The following CYTH3 variants were observed in gnomAD, a reference collection of about 807,000 sequenced individuals.
CYTH3 encodes the protein cytohesin 3.
In CYTH3, 23 loss-of-function variants were observed where a neutral mutation model predicts 55.1. The ratio of observed to expected loss-of-function variants is 0.42; its 90% CI spans 0.30 to 0.59. The LOEUF is 0.59. Among genes scored for constraint, CYTH3 ranks in the 20% least tolerant of loss-of-function variants. CYTH3 has a pLI of 0.20. For synonymous variants in CYTH3, 249 were observed against 194.9 expected (o/e 1.28, Z -2.31); for missense variants, 413 against 524.8 (o/e 0.79, Z 2.08).
intron 1 of CYTH3, among the ~76,000 whole-genome samples, chr7:6,211,847 G>A (rs1345215888): frequency 2.6e-5 from 4 of 152,002 alleles, no homozygotes; most frequent in Non-Finnish European, 4.4e-5. Flanking sequence ...TTAGTCAGGT[G>A]TGGTGGCTTG....
In CYTH3 at chr7:6,257,859, G is replaced by C. The variant is rs1385285409; in HGVS notation, c.34+14615C>G. The stretch of plus-strand genomic sequence containing the variant: ...ATGACAGGAAGTGTGGAGGTAGGGA[G>C]GTTCCTGGGTGGGTGAAATTCAGCA... On this transcript the variant is annotated intron_variant, in intron 1 of 12. Transcript: ENST00000350796. 3.9e-5 allele frequency among the ~76,000 whole-genome samples: 6 copies of C among 152,274 alleles called. No individual in the cohort carries two copies. The East Asian group carries it at 1.2e-3, about 29-fold the overall frequency.
At chr7:6,218,866 G>A (rs949314671) in intron 1 of CYTH3, among the ~76,000 whole-genome samples, 6 of 151,962 alleles carry the variant, frequency 3.9e-5, no homozygotes, top group Non-Finnish European at 7.4e-5. Flanking sequence ...TTAGCTGGGC[G>A]TGGTGGCGCA....
chr7:6,174,185 C>G (rs1325532081), intron 5 of CYTH3, among the ~76,000 whole-genome samples: 1 of 152,062 alleles, frequency 6.6e-6, no homozygotes, highest in Non-Finnish European at 1.5e-5. Context: ...GTGATCTCAA[C>G]TCACCGAAAT....
intron 6 of CYTH3, chr7:6,172,989 G>A (rs1455127618): frequency 1.9e-5 from 21 of 1,096,644 alleles, no homozygotes; most frequent in Non-Finnish European, 2.1e-5. Flanking sequence ...ATGACGAGGT[G>A]CGGCCTGATT....
At chr7:6,195,338 GAAA>G (rs1217376861) in intron 1 of CYTH3, among the ~76,000 whole-genome samples, 1 of 151,982 alleles carries the variant, frequency 6.6e-6, no homozygotes, top group African/African-American at 2.4e-5. Flanking sequence ...GTCTCAAACA[GAAA>G]AAAATAAAAT....
intron 1 of CYTH3, among the ~76,000 whole-genome samples, chr7:6,260,435 C>T (rs143208310): frequency 6.6e-6 from 1 of 152,068 alleles, no homozygotes; most frequent in African/African-American, 2.4e-5. Context: ...CACTGAGCTC[C>T]AGCCACTCAG....
intron 9 of CYTH3, among the ~76,000 whole-genome samples, chr7:6,166,260 T>G (rs1783005063): frequency 6.6e-6 from 1 of 152,258 alleles, no homozygotes; most frequent in Admixed American, 6.5e-5. Context: ...GAATTAATTT[T>G]GTAACAAGAT....
intron 1 of CYTH3, among the ~76,000 whole-genome samples, chr7:6,227,422 T>C (rs1476083430): frequency 6.6e-6 from 1 of 151,694 alleles, no homozygotes; most frequent in Non-Finnish European, 1.5e-5. Flanking sequence ...GATGGAAAAA[T>C]AGCATTTGAT....
At chr7:6,266,230 T>G (rs1294370793) in intron 1 of CYTH3, among the ~76,000 whole-genome samples, 1 of 152,044 alleles carries the variant, frequency 6.6e-6, no homozygotes, top group Non-Finnish European at 1.5e-5. Context: ...CAGGGGGCAG[T>G]GGTTGAGAAT....
At chr7:6,223,835 C>CT (rs1269705863) in intron 1 of CYTH3, among the ~76,000 whole-genome samples, 1 of 18,030 alleles carries the variant, frequency 5.5e-5, no homozygotes, top group African/African-American at 3.4e-4. Flanking sequence ...TCAATAAATA[C>CT]TAAAAAAAAA....
chr7:6,224,049 A>T (rs138449623), intron 1 of CYTH3, among the ~76,000 whole-genome samples: 2 of 152,174 alleles, frequency 1.3e-5, no homozygotes, highest in African/African-American at 4.8e-5. Flanking sequence ...TCCATTGCAC[A>T]AAAAGCAAAA....
At chr7:6,195,664 G>A (rs979145472) in intron 1 of CYTH3, among the ~76,000 whole-genome samples, 39 of 152,082 alleles carry the variant, frequency 2.6e-4, no homozygotes, top group African/African-American at 8.4e-4. Context: ...AATCCTCTAT[G>A]TCAAGCAATG....
At chr7:6,190,596 G>C in intron 1 of CYTH3, 65 bp from the exon 2 acceptor site, 2 of 1,306,528 alleles carry the variant, frequency 1.5e-6, no homozygotes, top group African/African-American at 1.5e-5. Flanking sequence ...GCAAGGTTGA[G>C]GTGGGTACAT....
chr7:6,238,365 G>C (rs111251873), intron 1 of CYTH3, among the ~76,000 whole-genome samples: 10 of 152,108 alleles, frequency 6.6e-5, no homozygotes, highest in African/African-American at 2.4e-4. Flanking sequence ...CCTCTAAAAA[G>C]AACAAAAGGA....
At chr7:6,196,388 C>T (rs1385728072) in intron 1 of CYTH3, among the ~76,000 whole-genome samples, 4 of 151,734 alleles carry the variant, frequency 2.6e-5, no homozygotes, top group Admixed American at 6.6e-5. Flanking sequence ...AAGAAGCAAG[C>T]AGGCAGTTCT....
intron 1 of CYTH3, among the ~76,000 whole-genome samples, chr7:6,251,691 G>C (rs1779975844): frequency 6.6e-6 from 1 of 152,148 alleles, no homozygotes; most frequent in South Asian, 2.1e-4. Flanking sequence ...TAATAAATAT[G>C]TTTATGACTG....
At chr7:6,249,767 T>C (rs566586684) in intron 1 of CYTH3, among the ~76,000 whole-genome samples, 2 of 152,342 alleles carry the variant, frequency 1.3e-5, no homozygotes, top group South Asian at 4.1e-4. Flanking sequence ...ATATTCAAGG[T>C]GTACATCTCG....
intron 1 of CYTH3, among the ~76,000 whole-genome samples, chr7:6,218,299 A>T (rs547828522): frequency 2.8e-4 from 43 of 152,316 alleles, no homozygotes; most frequent in African/African-American, 1.0e-3. Context: ...GAAGAAGGCA[A>T]CGTGATGACT....
intron 3 of CYTH3, 51 bp from the exon 4 acceptor site, chr7:6,187,167 G>C: frequency 1.3e-6 from 2 of 1,560,172 alleles, no homozygotes; most frequent in Non-Finnish European, 8.8e-7. Context: ...TCACAATGCA[G>C]CCCAGTCACG....
Sources: gnomAD v4.1 joint callset for allele counts (sites outside exome capture counted in the v4.1 genomes callset) on GRCh38, gnomAD v4.1.1 for gene constraint, MANE v1.5 for transcripts, NCBI Gene and HGNC (gene_info 2026-07-23, HGNC 2026-07-21) for gene names.